The following ITPR2 variants were observed in gnomAD, a reference collection of about 807,000 sequenced individuals.
ITPR2 encodes the protein inositol 1,4,5-trisphosphate receptor type 2, also known as inositol 1,4,5-trisphosphate-gated calcium channel ITPR2.
In ITPR2, 207 loss-of-function variants were observed where a neutral mutation model predicts 317.1. The observed-to-expected ratio is 0.65, with a 90% confidence interval of 0.58 to 0.73. ITPR2 has a LOEUF of 0.73. Ranked by LOEUF, ITPR2 falls within the 30% of genes least tolerant of loss-of-function variation. The pLI is 0.00. For synonymous variants in ITPR2, 1,156 were observed against 1,149.1 expected (o/e 1.01, Z -0.12); for missense variants, 2,613 against 3,284.0 (o/e 0.80, Z 4.99).
chr12:26,750,381 T>C (rs886386480), intron 2 of ITPR2, among the ~76,000 whole-genome samples: 5 of 152,160 alleles, frequency 3.3e-5, no homozygotes, highest in African/African-American at 1.2e-4. Flanking sequence ...CATGTCCTTA[T>C]AGATGGGACC....
At chr12:26,668,762 C>T (rs1565678640) in intron 13 of ITPR2, among the ~76,000 whole-genome samples, 2 of 151,324 alleles carry the variant, frequency 1.3e-5, no homozygotes, top group African/African-American at 4.9e-5. Flanking sequence ...AAAAAGACAA[C>T]GTATTTTAAA....
chr12:26,425,920 A>G (rs1284215807), intron 49 of ITPR2, among the ~76,000 whole-genome samples: 1 of 152,224 alleles, frequency 6.6e-6, no homozygotes, highest in African/African-American at 2.4e-5. Context: ...CTATCTTCTT[A>G]TCCTCTCCCA....
intron 2 of ITPR2, among the ~76,000 whole-genome samples, chr12:26,762,933 G>A (rs1434961516): frequency 6.6e-6 from 1 of 151,990 alleles, no homozygotes; most frequent in Non-Finnish European, 1.5e-5. Context: ...GTTTTTGTAT[G>A]CAGTTGAAGT....
intron 37 of ITPR2, among the ~76,000 whole-genome samples, chr12:26,498,925 CT>C (rs1943008250): frequency 6.6e-6 from 1 of 152,174 alleles, no homozygotes; most frequent in Non-Finnish European, 1.5e-5. Flanking sequence ...CAACCTCACA[CT>C]CCTGGCCTCA....
At chr12:26,583,112 A>G (rs1945442673) in intron 32 of ITPR2, among the ~76,000 whole-genome samples, 1 of 151,946 alleles carries the variant, frequency 6.6e-6, no homozygotes, top group Admixed American at 6.6e-5. Context: ...TCCCTTCTTA[A>G]ATCTGCCCTC....
At chr12:26,716,467 A>G (rs1368451104) in intron 5 of ITPR2, among the ~76,000 whole-genome samples, 1 of 152,176 alleles carries the variant, frequency 6.6e-6, no homozygotes, top group African/African-American at 2.4e-5. Flanking sequence ...GGATTCATAA[A>G]GCTAGTGTGG....
At chr12:26,428,989 A>G (rs909149459) in intron 48 of ITPR2, among the ~76,000 whole-genome samples, 2 of 152,228 alleles carry the variant, frequency 1.3e-5, no homozygotes, top group African/African-American at 2.4e-5. Flanking sequence ...TAAATATTCA[A>G]TAACAGTCTT....
At position 26,831,761 on chromosome 12, in the gene ITPR2, TAAATATATATTCTACATAAAATATATA is replaced by T. The variant is rs1951108727; in HGVS notation, c.92+902_92+928del. Among the ~76,000 whole-genome samples the T allele has an allele frequency of 1.1e-5, 1 of 89,562 alleles. No individual in the cohort carries two copies. 58.8% of individuals were successfully genotyped at this position (89,562 alleles called of 152,430 possible). On this transcript the variant is annotated intron_variant, in intron 1 of 56. Transcript: ENST00000381340. This position sits in a 1 kb window ranked among gnomAD's most constrained non-coding sequence, Gnocchi z 4.9. ...AAATATATATTCTACATAAAATATA[TAAATATATATTCTACATAAAATATATA>T]AATATATATTATACATAAAATATAT... is the stretch of plus-strand genomic sequence containing the variant.
At chr12:26,671,138 C>A (rs1947759931) in intron 13 of ITPR2, among the ~76,000 whole-genome samples, 1 of 152,124 alleles carries the variant, frequency 6.6e-6, no homozygotes, top group East Asian at 1.9e-4. Context: ...GGATATTATC[C>A]AGGAGAACTT....
chr12:26,695,748 AG>A (rs1435201269), intron 9 of ITPR2, 98 bp from the exon 10 acceptor site: 3 of 742,584 alleles, frequency 4.0e-6, no homozygotes, highest in Non-Finnish European at 4.6e-6. Flanking sequence ...TCCTCAACTA[AG>A]TTTAATATAA....
At chr12:26,671,083 T>A (rs1006528900) in intron 13 of ITPR2, among the ~76,000 whole-genome samples, 4 of 152,122 alleles carry the variant, frequency 2.6e-5, no homozygotes, top group Non-Finnish European at 5.9e-5. Flanking sequence ...TTGGTGTACC[T>A]GAAAGTGACG....
At chr12:26,757,040 G>A (rs1038931748) in intron 2 of ITPR2, among the ~76,000 whole-genome samples, 1 of 152,166 alleles carries the variant, frequency 6.6e-6, no homozygotes, top group African/African-American at 2.4e-5. Flanking sequence ...CCAGTGCCGT[G>A]ACAGTTTACA....
At chr12:26,582,847 G>A (rs554991707) in intron 32 of ITPR2, among the ~76,000 whole-genome samples, 1 of 152,188 alleles carries the variant, frequency 6.6e-6, no homozygotes, top group South Asian at 2.1e-4. Flanking sequence ...TTTGCTTTGG[G>A]GCTCTGGTTG....
rs1436362378 is a variant in ITPR2 at position 26,711,174 on chromosome 12, T to C, written c.950A>G (p.Glu317Gly). ...HLATGNYLAA[E>G]LNPDYRDAQN... is the part of the protein sequence containing the mutation. ...TACCACTTTATCCATTAGTCTTACC[T>C]CTGCAGCTAAATAGTTTCCAGTTGC... is the stretch of plus-strand genomic sequence containing the variant. The change falls in exon 9 of 57, where the codon GAG (glutamate) becomes GGG (glycine). Residue 317 changes from glutamate to glycine, a missense_variant and splice_region_variant. Physicochemically the swap from Glu to Gly is moderately conservative, Grantham distance 98. This residue lies in a region of ITPR2 where 515 missense variants were observed against 789.4 expected (regional missense o/e 0.65). Transcript: ENST00000381340. 6 of 1,604,742 alleles carry C rather than the reference T, an allele frequency of 3.7e-6. No individual in the cohort carries two copies. The African/African-American group carries it at 6.7e-5, about 18-fold the overall frequency.
At chr12:26,825,245 A>C (rs1470884866) in intron 1 of ITPR2, among the ~76,000 whole-genome samples, 1 of 152,224 alleles carries the variant, frequency 6.6e-6, no homozygotes, top group Non-Finnish European at 1.5e-5. Context: ...AAGAAAATTA[A>C]AAAATAAAAA....
chr12:26,624,705 G>C (rs1946580753), intron 23 of ITPR2, among the ~76,000 whole-genome samples: 2 of 151,624 alleles, frequency 1.3e-5, no homozygotes, highest in African/African-American at 4.9e-5. Flanking sequence ...TGGAGACAAG[G>C]GAACCCTCAT....
At chr12:26,632,336 A>T (rs1185330707) in intron 21 of ITPR2, among the ~76,000 whole-genome samples, 1 of 152,212 alleles carries the variant, frequency 6.6e-6, no homozygotes, top group Non-Finnish European at 1.5e-5. Flanking sequence ...CTAACATCCA[A>T]ATCAGGTCCT....
chr12:26,792,612 A>G (rs1950361363), intron 1 of ITPR2, among the ~76,000 whole-genome samples: 1 of 152,086 alleles, frequency 6.6e-6, no homozygotes, highest in Admixed American at 6.5e-5. Context: ...TTTAAGCTCC[A>G]TGAAGTCAGA....
chr12:26,448,378 A>C (rs937744990), intron 45 of ITPR2, among the ~76,000 whole-genome samples: 2 of 151,926 alleles, frequency 1.3e-5, no homozygotes, highest in Non-Finnish European at 2.9e-5. Context: ...ATGGGGGGGA[A>C]ATCTCTGGGT....
Sources: gnomAD v4.1 joint callset for allele counts (sites outside exome capture counted in the v4.1 genomes callset) on GRCh38, gnomAD v4.1.1 for gene constraint, gnomAD v4.1.1 regional missense constraint, Gnocchi (gnomAD v3.1) non-coding constraint, MANE v1.5 for transcripts, NCBI Gene and HGNC (gene_info 2026-07-23, HGNC 2026-07-21) for gene names.